Variants in MAPK14 observed in about 807,000 individuals in gnomAD.
The protein encoded by MAPK14 is mitogen-activated protein kinase 14.
Under a neutral mutation model 49.6 loss-of-function variants are expected in MAPK14, and 16 were observed. The observed-to-expected ratio is 0.32, with a 90% CI of 0.22 to 0.49. The LOEUF (loss-of-function observed/expected upper bound fraction) is 0.49, where lower values mean the gene tolerates loss of function less well. Among genes scored for constraint, MAPK14 ranks in the 20% least tolerant of loss-of-function variants. MAPK14 has a pLI of 0.99. For missense variants in MAPK14, 200 were observed against 441.2 expected (o/e 0.45, Z 4.90); for synonymous variants, 142 against 158.0 (o/e 0.90, Z 0.76).
chr6:36,106,606 G>A (rs575891778), intron 10 of MAPK14, among the ~76,000 whole-genome samples: 17 of 152,200 alleles, frequency 1.1e-4, no homozygotes, highest in Middle Eastern at 3.4e-3. Flanking sequence ...TATTTGGGGA[G>A]GGTAAAGTGT....
chr6:36,039,848 T>G (rs1172736347), intron 1 of MAPK14, among the ~76,000 whole-genome samples: 2 of 151,850 alleles, frequency 1.3e-5, no homozygotes, highest in African/African-American at 4.8e-5. Flanking sequence ...CTACAAAAAT[T>G]AGTTGGGCAT....
chr6:36,091,550 C>T (rs569325552), intron 8 of MAPK14, among the ~76,000 whole-genome samples: 11 of 152,284 alleles, frequency 7.2e-5, no homozygotes, highest in Non-Finnish European at 1.2e-4. Context: ...AATGTGGCTA[C>T]GTGACGCTCC....
chr6:36,042,134 G>C (rs575724995), intron 1 of MAPK14, among the ~76,000 whole-genome samples: 1 of 152,302 alleles, frequency 6.6e-6, no homozygotes, highest in Admixed American at 6.5e-5. Flanking sequence ...TCTCATTCTT[G>C]TTGTGCTTCA....
intron 2 of MAPK14, among the ~76,000 whole-genome samples, chr6:36,058,230 A>C (rs1403037390): frequency 5.9e-5 from 9 of 152,196 alleles, no homozygotes; most frequent in Non-Finnish European, 1.2e-4. Context: ...TTGAGACTTT[A>C]AAAATGTCAG....
At chr6:36,031,898 G>C (rs1011917992) in intron 1 of MAPK14, among the ~76,000 whole-genome samples, 1 of 152,062 alleles carries the variant, frequency 6.6e-6, no homozygotes, top group Non-Finnish European at 1.5e-5. Flanking sequence ...GTGACTTCTT[G>C]AACTGGACCT....
intron 8 of MAPK14, 58 bp from the exon 9 acceptor site, chr6:36,095,929 A>G (rs1278068607): frequency 1.3e-5 from 14 of 1,075,340 alleles, no homozygotes; most frequent in Non-Finnish European, 1.7e-5. Flanking sequence ...TTTGTTTGTC[A>G]TTGTTTGTTT....
the MAPK14 span, among the ~76,000 whole-genome samples, chr6:36,119,717 A>G: frequency 5.3e-5 from 8 of 152,078 alleles, no homozygotes; most frequent in African/African-American, 1.9e-4. Flanking sequence ...GTGAGCATCT[A>G]GTGGGTAGAG....
At chr6:36,048,501 A>G (rs1183027617) in intron 1 of MAPK14, among the ~76,000 whole-genome samples, 3 of 152,202 alleles carry the variant, frequency 2.0e-5, no homozygotes, top group African/African-American at 7.2e-5. Flanking sequence ...AAAAGACTGT[A>G]TTGGATGCAT....
Position 36,051,555 on chromosome 6 carries a change from G to C in MAPK14, c.117-1144G>C, listed in dbSNP as rs142584731. Among the ~76,000 whole-genome samples the C allele has an allele frequency of 3.3e-3, 496 of 152,130 alleles. 4 individuals carry two copies. Among genetic ancestry groups the C allele is most frequent in the African/African-American group, 0.011 (465 of 41,464 alleles). ...ACCCACACAGCCTTTCTGTCTTTCT[G>C]TCACTCACTCCAGCATGCCATACGT... On this transcript the variant is annotated intron_variant, in intron 1 of 11. Transcript: ENST00000229794.
In MAPK14 at chr6:36,095,981, C is replaced by G. The variant is rs1321591878; in HGVS notation, c.683-6C>G. ...CCCAACATTTTCCTTTATGGTCCAC[C>G]ATTAGATATTGATCAGTTGAAGCTC... On this transcript the variant is annotated splice_polypyrimidine_tract_variant and splice_region_variant and intron_variant, in intron 8 of 11. Coordinates refer to ENST00000229794, the MANE Select transcript of MAPK14 (RefSeq NM_139012.3). 1 of 1,565,910 alleles carries G rather than the reference C, an allele frequency of 6.4e-7. No individual in the cohort carries two copies. Among genetic ancestry groups the G allele is most frequent in the Admixed American group, 1.7e-5 (1 of 57,838 alleles).
intron 8 of MAPK14, among the ~76,000 whole-genome samples, 154 bp from the exon 9 acceptor site, chr6:36,095,833 G>A (rs1239815316): frequency 6.6e-6 from 1 of 151,456 alleles, no homozygotes; most frequent in African/African-American, 2.4e-5. Flanking sequence ...TCCTGCAGGA[G>A]CCTTGACCTA....
intron 9 of MAPK14, among the ~76,000 whole-genome samples, chr6:36,099,774 A>G (rs573491675): frequency 6.6e-6 from 1 of 152,280 alleles, no homozygotes; most frequent in East Asian, 1.9e-4. Context: ...TTGAATGGAT[A>G]TGTTGGATAT....
intron 8 of MAPK14, among the ~76,000 whole-genome samples, chr6:36,094,078 A>C (rs1434919131): frequency 2.6e-5 from 4 of 152,066 alleles, no homozygotes; most frequent in Non-Finnish European, 1.5e-5. Flanking sequence ...CCCCATTCCT[A>C]CTCTGTCCCA....
At chr6:36,092,125 T>C (rs1251755286) in intron 8 of MAPK14, 1 of 517,746 alleles carries the variant, frequency 1.9e-6, no homozygotes, top group Admixed American at 2.0e-5. Flanking sequence ...CAGGTCATTC[T>C]TGGGTAACGA....
chr6:36,098,661 A>G (rs926763844), intron 9 of MAPK14, among the ~76,000 whole-genome samples: 2 of 152,374 alleles, frequency 1.3e-5, no homozygotes, highest in South Asian at 4.1e-4. Flanking sequence ...AACCTCTTTG[A>G]CTAAAGGAGA....
At chr6:36,048,343 C>T (rs533478385) in intron 1 of MAPK14, among the ~76,000 whole-genome samples, 2 of 152,102 alleles carry the variant, frequency 1.3e-5, no homozygotes, top group East Asian at 1.9e-4. Context: ...GCACCCAACC[C>T]GTTTTTTATT....
At chr6:36,065,507 GGTGTGTGTGTGTGTGT>G (rs386358922) in intron 3 of MAPK14, among the ~76,000 whole-genome samples, 2 of 122,452 alleles carry the variant, frequency 1.6e-5, no homozygotes, top group Non-Finnish European at 3.5e-5. Context: ...GGGCAGAAAA[GGTGTGTGTGTGTGTGT>G]GTGTGTGTGT....
At chr6:36,037,329 A>G (rs1024807632) in intron 1 of MAPK14, among the ~76,000 whole-genome samples, 8 of 152,184 alleles carry the variant, frequency 5.3e-5, no homozygotes, top group Admixed American at 4.6e-4. Flanking sequence ...TATAGGGAAG[A>G]AGAAGTGGTG....
chr6:36,107,322 T>C lies in MAPK14; in HGVS notation c.842-133T>C, dbSNP rs1430198456. On this transcript the variant is annotated intron_variant, in intron 10 of 11. Transcript: ENST00000229794. This position sits in a 1 kb window ranked among gnomAD's most constrained non-coding sequence, Gnocchi z 4.3. ...CACATAAAGGAGAAGAGGGCTAATA[T>C]ATCCTAGAGTAGGTATTTTGGAGGA... The C allele has an allele frequency of 1.9e-6, 1 of 532,744 alleles. No individual in the cohort carries two copies. Among genetic ancestry groups the C allele is most frequent in the Non-Finnish European group, 3.3e-6 (1 of 304,182 alleles). 33.0% of individuals were successfully genotyped at this position (532,744 alleles called of 1,614,324 possible).
Sources: allele counts gnomAD v4.1 joint callset (sites outside exome capture counted in the v4.1 genomes callset), GRCh38; gene constraint gnomAD v4.1.1; non-coding constraint Gnocchi (gnomAD v3.1); transcripts MANE v1.5; gene names NCBI Gene and HGNC (gene_info 2026-07-23, HGNC 2026-07-21).